The following TDO2 variants were observed in gnomAD, a reference collection of about 807,000 sequenced individuals.
TDO2 encodes the protein tryptophan 2,3-dioxygenase.
In TDO2, 63 loss-of-function variants were observed where a neutral mutation model predicts 61.2. The ratio of observed to expected loss-of-function variants is 1.03; its 90% CI spans 0.84 to 1.27. TDO2 has a LOEUF of 1.27. TDO2 is among the 50% of genes most tolerant of loss of function. The pLI, the probability that TDO2 is intolerant of heterozygous loss-of-function variation, is 0.00. For synonymous variants in TDO2, 183 were observed against 164.0 expected (o/e 1.12, Z -0.89); for missense variants, 494 against 469.5 (o/e 1.05, Z -0.48).
Position 155,919,887 on chromosome 4 carries a change from T to C in TDO2, c.1118T>C (p.Ile373Thr), listed in dbSNP as rs761979020. The C allele has an allele frequency of 3.1e-6, 5 of 1,613,590 alleles. No individual in the cohort carries two copies. The highest frequency in any genetic ancestry group is 1.3e-5 in the African/African-American group (1 of 74,914). The change falls in exon 12 of 12, where the codon ATT becomes ACT. Residue 373 changes from isoleucine (I) to threonine (T), a missense_variant. Physicochemically the swap from Ile to Thr is moderately conservative, Grantham distance 89. Coordinates refer to ENST00000536354, the MANE Select transcript of TDO2 (RefSeq NM_005651.4). ...TTATTTAATCTTTCAACATACCTGA[T>C]TCCCCGACACTGGATACCGAAGATG... Reference protein sequence around the residue: ...VDLFNLSTYLIPRHWIPKMNP... With the variant: ...VDLFNLSTYLTPRHWIPKMNP...
At chr4:155,907,672 C>T (rs1257888175) in intron 3 of TDO2, 50 bp from the exon 4 acceptor site, 1 of 1,248,066 alleles carries the variant, frequency 8.0e-7, no homozygotes, top group African/African-American at 1.5e-5. Context: ...ATAATAATGG[C>T]CAAAAAGGCT....
chr4:155,917,413 G>C lies in TDO2; in HGVS notation c.915G>C (p.Gln305His). 6.2e-7 allele frequency: 1 copy of C among 1,610,550 alleles called. No individual in the cohort carries two copies. Among genetic ancestry groups the C allele is most frequent in the Non-Finnish European group, 8.5e-7 (1 of 1,178,652 alleles). ...IYFYREEPRF[Q>H]VPFQLLTSLM... ...CCTTTAGGGAAGAGCCTAGGTTCCA[G>C]GTGCCTTTTCAGTTGCTGACTTCTC... The change falls in exon 10 of 12, where the codon CAG becomes CAC. Residue 305 changes from glutamine to histidine, a missense_variant. By Grantham distance (24) the Gln-to-His change is conservative. Transcript: ENST00000536354.
intron 4 of TDO2, among the ~76,000 whole-genome samples, chr4:155,908,628 G>C (rs941119642): frequency 3.3e-5 from 5 of 152,118 alleles, no homozygotes; most frequent in African/African-American, 1.2e-4. Context: ...GAAATCAGTG[G>C]GGGGTTGTAT....
chr4:155,916,164 C>CTTT (rs34847339), intron 9 of TDO2, among the ~76,000 whole-genome samples: 30 of 76,182 alleles, frequency 3.9e-4, no homozygotes, highest in African/African-American at 8.3e-4. Context: ...ATCAAATATC[C>CTTT]TTTTTTTTTT....
At chr4:155,909,083 C>T in intron 5 of TDO2, 69 bp downstream of exon 5, 1 of 1,464,128 alleles carries the variant, frequency 6.8e-7, no homozygotes, top group Non-Finnish European at 9.1e-7. Context: ...GTAAAAGCAG[C>T]ATGTGTGTGT....
At position 155,920,308 on chromosome 4, in the gene TDO2, A is replaced by T. The variant is rs903430852; in HGVS notation, c.*318A>T. 3.6e-6 allele frequency: 1 copy of T among 277,476 alleles called. No homozygotes were observed. The highest frequency in any genetic ancestry group is 9.9e-5 in the East Asian group (1 of 10,080). 17.2% of individuals were successfully genotyped at this position (277,476 alleles called of 1,614,324 possible). On this transcript the variant is annotated 3_prime_UTR_variant, in exon 12 of 12. Coordinates refer to ENST00000536354, the MANE Select transcript of TDO2 (RefSeq NM_005651.4). ...TCATCTTTATAAACTTGTAAACTTC[A>T]TCTATTTCAAATATTTTATGCAGTA... is the stretch of plus-strand genomic sequence containing the variant.
chr4:155,904,509 C>T (rs557274934), intron 2 of TDO2, among the ~76,000 whole-genome samples: 128 of 152,052 alleles, frequency 8.4e-4, no homozygotes, highest in African/African-American at 2.9e-3. Context: ...ATCATGAAGT[C>T]GAAATGTAAA....
chr4:155,920,363 A>G lies in TDO2; in HGVS notation c.*373A>G. 1 of 163,522 alleles carries G rather than the reference A, an allele frequency of 6.1e-6. No homozygotes were observed. The highest frequency in any genetic ancestry group is 1.3e-5 in the Non-Finnish European group (1 of 75,680). 10.1% of individuals were successfully genotyped at this position (163,522 alleles called of 1,614,324 possible). A position where few individuals can be genotyped will look rare whatever the true frequency, so the allele number is the denominator to read the frequency against. Reference sequence around the variant, plus strand: ...ATATTATTCTGTACAAAGGCTTTCAAACAAAATTTTTAAAATAATAAAGTA... The same window carrying G: ...ATATTATTCTGTACAAAGGCTTTCAGACAAAATTTTTAAAATAATAAAGTA... On this transcript the variant is annotated 3_prime_UTR_variant, in exon 12 of 12. Transcript: ENST00000536354.
At chr4:155,917,347 C>T (rs1742958592) in intron 9 of TDO2, 48 bp from the exon 10 acceptor site, 2 of 1,501,222 alleles carry the variant, frequency 1.3e-6, no homozygotes, top group East Asian at 2.3e-5. Flanking sequence ...TCCTAACACA[C>T]TCGATTTACT....
At chr4:155,914,523 G>C in intron 8 of TDO2, 89 bp downstream of exon 8, 1 of 854,536 alleles carries the variant, frequency 1.2e-6, no homozygotes, top group Non-Finnish European at 1.7e-6. Flanking sequence ...AGCCTTACTT[G>C]GGAGAAATAG....
At chr4:155,911,628 A>G (rs1298505748) in intron 7 of TDO2, 24 bp downstream of exon 7, 1 of 1,401,214 alleles carries the variant, frequency 7.1e-7, no homozygotes, top group Admixed American at 2.3e-5. Flanking sequence ...ATGAGTTAAT[A>G]TAAATTCAAT....
intron 8 of TDO2, among the ~76,000 whole-genome samples, 163 bp downstream of exon 8, chr4:155,914,597 AT>A (rs1742896754): frequency 6.6e-6 from 1 of 152,162 alleles, no homozygotes; most frequent in Admixed American, 6.5e-5. Context: ...TGATAAACCT[AT>A]TTTAACGGGT....
Position 155,908,924 on chromosome 4 carries a change from G to T in TDO2, c.341G>T (p.Arg114Leu), listed in dbSNP as rs762647259. 6.2e-7 allele frequency: 1 copy of T among 1,612,586 alleles called. No homozygotes were observed. The highest frequency in any genetic ancestry group is 8.5e-7 in the Non-Finnish European group (1 of 1,179,378). Residue 114 changes from arginine to leucine, a missense_variant, in exon 5 of 12, where the codon CGG (arginine) becomes CTG (leucine). Transcript: ENST00000536354. ...AGGAACATGCTTAAGGTTGTTTCTC[G>T]GATGCACCGAGTGTCAGTGATCCTG... Reference protein sequence around the residue: ...DERNMLKVVSRMHRVSVILKL... With the variant: ...DERNMLKVVSLMHRVSVILKL...
intron 8 of TDO2, among the ~76,000 whole-genome samples, 165 bp from the exon 9 acceptor site, chr4:155,915,690 T>C (rs1742918616): frequency 6.6e-6 from 1 of 152,208 alleles, no homozygotes; most frequent in Non-Finnish European, 1.5e-5. Flanking sequence ...GTATTTTAAG[T>C]GATATGTTTA....
intron 6 of TDO2, among the ~76,000 whole-genome samples, chr4:155,910,569 G>A (rs1203221459): frequency 6.6e-6 from 1 of 151,962 alleles, no homozygotes; most frequent in Non-Finnish European, 1.5e-5. Context: ...AAAATATTCT[G>A]TAATTGAAAA....
rs548031156 is a variant in TDO2, at chr4:155,904,228, A to G, written c.141+105A>G. 15 of 793,914 alleles carry G rather than the reference A, an allele frequency of 1.9e-5. No individual in the cohort carries two copies. In the African/African-American group the frequency reaches 2.1e-4, roughly 11 times the overall value. 49.2% of individuals were successfully genotyped at this position (793,914 alleles called of 1,614,324 possible). ...TTCTTGGAATTAGGGAAAGTCACCA[A>G]TCGTTTTCTGGACCTAAGGATATTT... On this transcript the variant is annotated intron_variant, in intron 2 of 11. Coordinates refer to ENST00000536354, the MANE Select transcript of TDO2 (RefSeq NM_005651.4).
intron 2 of TDO2, among the ~76,000 whole-genome samples, chr4:155,904,863 AG>A (rs1742688826): frequency 6.6e-6 from 1 of 152,172 alleles, no homozygotes; most frequent in Admixed American, 6.5e-5. Flanking sequence ...CCTACCAAAT[AG>A]AAATTTTCTG....
In TDO2 at chr4:155,908,882, T is replaced by G. The variant is rs1560775936; in HGVS notation, c.304-5T>G. Reference sequence around the variant, plus strand: ...TAACTCAGTGTTTCATTTCTTAACCTTCAGGTCAGAGATGAAAGGAACATG... The same window carrying G: ...TAACTCAGTGTTTCATTTCTTAACCGTCAGGTCAGAGATGAAAGGAACATG... On this transcript the variant is annotated splice_polypyrimidine_tract_variant and splice_region_variant and intron_variant, in intron 4 of 11. Transcript: ENST00000536354. The G allele has an allele frequency of 6.2e-7, 1 of 1,608,744 alleles. No individual in the cohort carries two copies. Among genetic ancestry groups the G allele is most frequent in the South Asian group, 1.1e-5 (1 of 89,952 alleles).
intron 5 of TDO2, among the ~76,000 whole-genome samples, chr4:155,909,801 G>A (rs924193824): frequency 6.8e-6 from 1 of 147,616 alleles, no homozygotes; most frequent in Non-Finnish European, 1.5e-5. Flanking sequence ...AAACCATTAT[G>A]GTGGTTGATA....
Sources: gnomAD v4.1 joint callset for allele counts (sites outside exome capture counted in the v4.1 genomes callset) on GRCh38, gnomAD v4.1.1 for gene constraint, MANE v1.5 for transcripts, NCBI Gene and HGNC (gene_info 2026-07-23, HGNC 2026-07-21) for gene names.